MACROD2: variants seen among roughly 807,000 people sequenced by gnomAD.
MACROD2 encodes ADP-ribose glycohydrolase MACROD2.
In MACROD2, 36 loss-of-function variants were observed where a neutral mutation model predicts 70.4. That is an observed-to-expected ratio of 0.51 (90% confidence interval 0.39 to 0.68). MACROD2 has a LOEUF of 0.68. Ranked by LOEUF, MACROD2 falls within the 30% of genes least tolerant of loss-of-function variation. The pLI is 0.00. For synonymous variants in MACROD2, 172 were observed against 178.8 expected, an observed-to-expected ratio of 0.96 and a Z score of 0.30; for missense variants, 496 against 538.4, an observed-to-expected ratio of 0.92 and a Z score of 0.78.
chr20:14,304,476 C>T (rs1233762950), intron 3 of MACROD2, among the ~76,000 whole-genome samples: 32 of 152,188 alleles, frequency 2.1e-4, no homozygotes, highest in Non-Finnish European at 1.6e-4. Flanking sequence ...CTGGTTCAGA[C>T]TGAAATTGTG....
chr20:14,726,732 C>A (rs565699052), intron 5 of MACROD2, among the ~76,000 whole-genome samples: 4 of 152,134 alleles, frequency 2.6e-5, no homozygotes, highest in Admixed American at 2.0e-4. Flanking sequence ...CTCATAAGTA[C>A]GAAAGTAGGG....
intron 8 of MACROD2, among the ~76,000 whole-genome samples, chr20:15,807,416 A>G (rs1034201976): frequency 4.6e-5 from 7 of 152,172 alleles, no homozygotes; most frequent in African/African-American, 7.2e-5. Flanking sequence ...GTATTTTGTC[A>G]CCTTCTTCCT....
intron 8 of MACROD2, among the ~76,000 whole-genome samples, chr20:15,787,659 AGTGAAATAC>A (rs2051952518): frequency 6.6e-6 from 1 of 152,246 alleles, no homozygotes; most frequent in Non-Finnish European, 1.5e-5. Context: ...ATGGTTGGGC[AGTGAAATAC>A]ATAGTTTGCC....
intron 9 of MACROD2, among the ~76,000 whole-genome samples, chr20:15,875,823 G>A (rs550827879): frequency 6.6e-6 from 1 of 152,020 alleles, no homozygotes; most frequent in Non-Finnish European, 1.5e-5. Flanking sequence ...GGATGTTGTA[G>A]TCATCTTTAT....
chr20:15,265,996 T>C (rs1431694762), intron 6 of MACROD2, among the ~76,000 whole-genome samples: 1 of 152,232 alleles, frequency 6.6e-6, no homozygotes, highest in African/African-American at 2.4e-5. Flanking sequence ...GAAAACACAA[T>C]GAAGGGAAAC....
chr20:15,442,042 A>G (rs2046501002), intron 7 of MACROD2, among the ~76,000 whole-genome samples: 1 of 152,166 alleles, frequency 6.6e-6, no homozygotes, highest in Non-Finnish European at 1.5e-5. Flanking sequence ...AATAATTTCT[A>G]CGTCCTTGCT....
At chr20:15,710,954 G>A (rs894203977) in intron 8 of MACROD2, among the ~76,000 whole-genome samples, 5 of 152,116 alleles carry the variant, frequency 3.3e-5, no homozygotes, top group East Asian at 1.9e-4. Flanking sequence ...ATTTATCTTC[G>A]CTGTTTCCTT....
intron 4 of MACROD2, among the ~76,000 whole-genome samples, chr20:14,603,747 A>G (rs1011754155): frequency 3.9e-5 from 6 of 152,194 alleles, no homozygotes; most frequent in African/African-American, 1.4e-4. Flanking sequence ...ATTGTCATCA[A>G]TATTTCACAG....
At chr20:14,918,615 TTG>T (rs1491069004) in intron 5 of MACROD2, among the ~76,000 whole-genome samples, 3 of 146,978 alleles carry the variant, frequency 2.0e-5, no homozygotes, top group African/African-American at 5.4e-5. Flanking sequence ...TGTGTTTTTT[TTG>T]TTTTTTTTTT....
intron 6 of MACROD2, among the ~76,000 whole-genome samples, chr20:15,377,934 T>C (rs545238597): frequency 1.3e-5 from 2 of 150,960 alleles, no homozygotes; most frequent in Non-Finnish European, 3.0e-5. Flanking sequence ...TAAGTGGGAG[T>C]TGAACAATGA....
chr20:15,431,010 G>A (rs557034764), intron 6 of MACROD2, among the ~76,000 whole-genome samples: 128 of 152,052 alleles, frequency 8.4e-4, no homozygotes, highest in African/African-American at 2.8e-3. Flanking sequence ...ATACACATAC[G>A]ACAGACACAC....
intron 5 of MACROD2, among the ~76,000 whole-genome samples, chr20:15,100,818 T>C (rs79114901): frequency 0.019 from 2,864 of 152,254 alleles, 35 homozygotes; most frequent in Non-Finnish European, 0.032. Context: ...AACAAATCTA[T>C]TTCCACTTAA....
chr20:15,401,331 C>T (rs190958341), intron 6 of MACROD2, among the ~76,000 whole-genome samples: 93 of 152,310 alleles, frequency 6.1e-4, no homozygotes, highest in Middle Eastern at 6.8e-3. Flanking sequence ...AGCCACCACA[C>T]CCAGCCAGCT....
At chr20:14,218,079 C>A (rs1482743390) in intron 3 of MACROD2, among the ~76,000 whole-genome samples, 2 of 152,136 alleles carry the variant, frequency 1.3e-5, no homozygotes, top group African/African-American at 4.8e-5. Context: ...TTTTGACTTT[C>A]TGTCTTGATG....
chr20:15,127,281 A>C (rs1262806986), intron 5 of MACROD2, among the ~76,000 whole-genome samples: 1 of 152,164 alleles, frequency 6.6e-6, no homozygotes. Context: ...AAGCTTACAT[A>C]GATAACCTCA....
At chr20:14,937,777 T>C (rs534632504) in intron 5 of MACROD2, among the ~76,000 whole-genome samples, 16 of 152,266 alleles carry the variant, frequency 1.1e-4, no homozygotes, top group African/African-American at 3.6e-4. Flanking sequence ...ACACAAGGTC[T>C]TATTTCTTCT....
chr20:15,818,568 A>G (rs1388907475), intron 8 of MACROD2, among the ~76,000 whole-genome samples: 3 of 151,958 alleles, frequency 2.0e-5, no homozygotes, highest in Non-Finnish European at 4.4e-5. Context: ...CTTTACCACA[A>G]CCTGTTTTAT....
rs1459842560 is a variant in MACROD2, at chr20:15,819,290, TATATAAGTATATAAA to T, written c.646-43454_646-43440del. On this transcript the variant is annotated intron_variant, in intron 8 of 17. Transcript: ENST00000684519. ...TAGAGAGATATCAATATATATTTTATATATAAGTATATAAATATATATACTTATATATAAATATAA... is the reference window on the plus strand; with the variant it reads ...TAGAGAGATATCAATATATATTTTATTATATATACTTATATATAAATATAA... Among the ~76,000 whole-genome samples, 28 of 140,974 alleles carry T rather than the reference TATATAAGTATATAAA, an allele frequency of 2.0e-4. No individual in the cohort carries two copies. The South Asian group carries it at 5.1e-3, about 26-fold the overall frequency. 92.5% of individuals were successfully genotyped at this position (140,974 alleles called of 152,430 possible). A position where few individuals can be genotyped will look rare whatever the true frequency, so the allele number is the denominator to read the frequency against.
At position 15,795,782 on chromosome 20, in the gene MACROD2, C is replaced by T. The variant is rs149126232; in HGVS notation, c.646-66963C>T. ...GTATAGATAAAAGGCTCACCAATGC[C>T]TGGGCCATCTCTGAGTGCCGACTGT... On this transcript the variant is annotated intron_variant, in intron 8 of 17. Transcript: ENST00000684519. Among the ~76,000 whole-genome samples, 417 of 152,288 alleles carry T rather than the reference C, an allele frequency of 2.7e-3. 2 individuals are homozygous for T. The highest frequency in any genetic ancestry group is 3.6e-3 in the Non-Finnish European group (242 of 68,030).
Sources: allele counts gnomAD v4.1 joint callset (sites outside exome capture counted in the v4.1 genomes callset), GRCh38; gene constraint gnomAD v4.1.1; transcripts MANE v1.5; gene names NCBI Gene and HGNC (gene_info 2026-07-23, HGNC 2026-07-21).